The following INO80D variants were observed in gnomAD, a reference collection of about 807,000 sequenced individuals.
INO80D encodes the protein INO80 complex subunit D.
In INO80D, 21 loss-of-function variants were observed where a neutral mutation model predicts 87.6. That is an observed-to-expected ratio of 0.24 (90% confidence interval 0.17 to 0.35). The LOEUF is 0.35. INO80D is among the 10% of genes least tolerant of loss of function. The pLI, the probability that INO80D is intolerant of heterozygous loss-of-function variation, is 1.00. For missense variants in INO80D, 982 were observed against 1,280.7 expected (o/e 0.77, Z 3.56); for synonymous variants, 440 against 491.0 (o/e 0.90, Z 1.37).
chr2:206,073,221 C>T (rs912728006), intron 1 of INO80D, among the ~76,000 whole-genome samples: 2 of 152,172 alleles, frequency 1.3e-5, no homozygotes, highest in African/African-American at 4.8e-5. Context: ...GTCTTCTCTA[C>T]ATTAATAAAC....
chr2:206,062,754 G>A lies in INO80D; in HGVS notation c.218+45C>T, dbSNP rs746580412. 1 of 1,489,308 alleles carries A rather than the reference G, an allele frequency of 6.7e-7. No individual in the cohort carries two copies. Among genetic ancestry groups the A allele is most frequent in the South Asian group, 1.3e-5 (1 of 79,154 alleles). 92.3% of individuals were successfully genotyped at this position (1,489,308 alleles called of 1,614,324 possible). ...AAAACAAGAAAAGAAAAAATTCCAA[G>A]CCTGTTAATGAAATCAAGGATTGAT... On this transcript the variant is annotated intron_variant, in intron 3 of 10. Coordinates refer to ENST00000403263, the MANE Select transcript of INO80D (RefSeq NM_017759.5). The surrounding 1 kb of genome is among the most constrained non-coding windows in gnomAD (Gnocchi z 4.6).
chr2:206,004,877 T>C lies in INO80D; in HGVS notation c.2575A>G (p.Thr859Ala), dbSNP rs1377239928. The C allele has an allele frequency of 1.2e-6, 2 of 1,613,946 alleles. No homozygotes were observed. The highest frequency in any genetic ancestry group is 1.7e-6 in the Non-Finnish European group (2 of 1,179,882). Residue 859 changes from threonine (T) to alanine (A), a missense_variant, in exon 11 of 11, where the codon ACC (threonine) becomes GCC (alanine). Coordinates refer to ENST00000403263, the MANE Select transcript of INO80D (RefSeq NM_017759.5). The surrounding 1 kb of genome is among the most constrained non-coding windows in gnomAD (Gnocchi z 4.9). ...ATGATGGGCATCTCTGCTGAAAAGG[T>C]AGCTGCCATATTATCACCAGAGTAC... ...TSYSGDNMAA[T>A]FSAEMPIMAQ...
At chr2:206,033,238 G>A (rs1688813819) in intron 5 of INO80D, among the ~76,000 whole-genome samples, 1 of 152,036 alleles carries the variant, frequency 6.6e-6, no homozygotes, top group Non-Finnish European at 1.5e-5. Flanking sequence ...GACAAAGAGG[G>A]ATATTATATA....
intron 6 of INO80D, 126 bp downstream of exon 6, chr2:206,027,985 C>T: frequency 1.8e-6 from 1 of 567,412 alleles, no homozygotes; most frequent in Non-Finnish European, 2.8e-6. Context: ...GCAAGAAAAC[C>T]AAAACATAAT....
intron 5 of INO80D, among the ~76,000 whole-genome samples, chr2:206,038,510 C>T (rs1353505347): frequency 2.6e-5 from 4 of 152,018 alleles, no homozygotes; most frequent in Non-Finnish European, 5.9e-5. Flanking sequence ...CCCCTAACTG[C>T]TCATCAAAAA....
chr2:205,996,994 G>C lies in INO80D; in HGVS notation c.*7374C>G, dbSNP rs1687820925. On this transcript the variant is annotated 3_prime_UTR_variant, in exon 11 of 11. Transcript: ENST00000403263. Reference sequence around the variant, plus strand: ...CAACTGTAGAAAAGAACAGCATATAGAGCTTTCCTAGATCTTCACTATATC... The same window carrying C: ...CAACTGTAGAAAAGAACAGCATATACAGCTTTCCTAGATCTTCACTATATC... 1 of 152,060 alleles carries C rather than the reference G, an allele frequency of 6.6e-6. No individual in the cohort carries two copies. The highest frequency in any genetic ancestry group is 2.1e-4 in the South Asian group (1 of 4,834). 9.4% of individuals were successfully genotyped at this position (152,060 alleles called of 1,614,324 possible).
chr2:206,073,420 G>A (rs1690026358), intron 1 of INO80D, among the ~76,000 whole-genome samples: 1 of 152,110 alleles, frequency 6.6e-6, no homozygotes, highest in Non-Finnish European at 1.5e-5. Context: ...AATAAGAATG[G>A]AAATATACAA....
intron 6 of INO80D, among the ~76,000 whole-genome samples, chr2:206,026,190 C>T (rs1688611315): frequency 6.6e-6 from 1 of 152,084 alleles, no homozygotes; most frequent in Non-Finnish European, 1.5e-5. Context: ...TGAGCCACTG[C>T]ACCCAGCCAT....
intron 1 of INO80D, among the ~76,000 whole-genome samples, chr2:206,075,039 CAAAA>C (rs56081344): frequency 8.5e-6 from 1 of 117,728 alleles, no homozygotes; most frequent in African/African-American, 3.4e-5. Flanking sequence ...AACTCCATCT[CAAAA>C]AAAAAAAAAA....
chr2:206,066,766 C>T (rs928178583), intron 1 of INO80D, among the ~76,000 whole-genome samples: 6 of 148,472 alleles, frequency 4.0e-5, no homozygotes, highest in African/African-American at 1.5e-4. Context: ...GATCGCACTA[C>T]TGCACTCCAG....
intron 1 of INO80D, chr2:206,084,793 G>A (rs1690390687): frequency 6.6e-6 from 1 of 152,232 alleles, no homozygotes. Flanking sequence ...GGTGGGGTAA[G>A]GGCTAAAAAA....
At chr2:206,041,928 A>G (rs543788866) in intron 5 of INO80D, among the ~76,000 whole-genome samples, 2 of 152,276 alleles carry the variant, frequency 1.3e-5, no homozygotes, top group Admixed American at 1.3e-4. Context: ...TGGGAGGATC[A>G]CTTGAGCCCA....
At chr2:206,076,603 C>T (rs1258415286) in intron 1 of INO80D, among the ~76,000 whole-genome samples, 3 of 152,150 alleles carry the variant, frequency 2.0e-5, no homozygotes, top group Non-Finnish European at 2.9e-5. Context: ...CAAGTTTGAA[C>T]CAGAATATTT....
chr2:206,058,747 A>C (rs529067311), intron 3 of INO80D, among the ~76,000 whole-genome samples: 11 of 150,904 alleles, frequency 7.3e-5, no homozygotes, highest in African/African-American at 2.4e-4. Context: ...AACAAACAAC[A>C]AAAAAAAACA....
intron 5 of INO80D, among the ~76,000 whole-genome samples, chr2:206,039,428 T>C (rs946899378): frequency 6.6e-6 from 1 of 151,632 alleles, no homozygotes; most frequent in African/African-American, 2.4e-5. Flanking sequence ...AAGAAACATA[T>C]AAACGATGTT....
chr2:206,039,686 T>G (rs1164977044), intron 5 of INO80D, among the ~76,000 whole-genome samples: 1 of 150,836 alleles, frequency 6.6e-6, no homozygotes. Flanking sequence ...GGCGCATGCC[T>G]GTAATCCCAG....
chr2:206,008,172 CG>C (rs1688077327), intron 9 of INO80D, among the ~76,000 whole-genome samples: 1 of 151,892 alleles, frequency 6.6e-6, no homozygotes, highest in Non-Finnish European at 1.5e-5. Flanking sequence ...TTAGTAGAGA[CG>C]GGGTTTACCC....
chr2:206,015,786 C>G (rs1309178576), intron 8 of INO80D, among the ~76,000 whole-genome samples: 1 of 152,120 alleles, frequency 6.6e-6, no homozygotes, highest in Non-Finnish European at 1.5e-5. Flanking sequence ...ACTTGGGAGG[C>G]TGAGGCACAA....
In INO80D at chr2:206,050,399, G is replaced by A. The variant is rs185638049; in HGVS notation, c.965-3787C>T. 2.5e-3 allele frequency among the ~76,000 whole-genome samples: 376 copies of A among 150,326 alleles called. 3 individuals carry two copies. Among genetic ancestry groups the A allele is most frequent in the African/African-American group, 8.8e-3 (361 of 40,944 alleles). On this transcript the variant is annotated intron_variant, in intron 4 of 10. Coordinates refer to ENST00000403263, the MANE Select transcript of INO80D (RefSeq NM_017759.5). ...CCCAGCTACTCAGGAGGCTGAGGCAGGAGAATCGCTTGAACCCGGGAGGCG... is the reference window on the plus strand; with the variant it reads ...CCCAGCTACTCAGGAGGCTGAGGCAAGAGAATCGCTTGAACCCGGGAGGCG...
Sources: gnomAD v4.1 joint callset for allele counts (sites outside exome capture counted in the v4.1 genomes callset) on GRCh38, gnomAD v4.1.1 for gene constraint, Gnocchi (gnomAD v3.1) non-coding constraint, MANE v1.5 for transcripts, NCBI Gene and HGNC (gene_info 2026-07-23, HGNC 2026-07-21) for gene names.